TPRKB: variants seen among roughly 807,000 people sequenced by gnomAD.
TPRKB encodes the protein TP53RK binding protein, also known as EKC/KEOPS complex subunit TPRKB.
In TPRKB, 11 loss-of-function variants were observed where a neutral mutation model predicts 17.8. The observed-to-expected ratio is 0.62, with a 90% CI of 0.39 to 1.02. TPRKB has a LOEUF of 1.02. Ranked by LOEUF, TPRKB falls within the 50% of genes least tolerant of loss-of-function variation. TPRKB has a pLI of 0.00. For synonymous variants in TPRKB, 71 were observed against 69.5 expected (o/e 1.02, Z -0.11); for missense variants, 228 against 198.0 (o/e 1.15, Z -0.91).
chr2:73,733,573 C>G (rs536532743), intron 2 of TPRKB, among the ~76,000 whole-genome samples: 3 of 151,970 alleles, frequency 2.0e-5, no homozygotes, highest in Non-Finnish European at 4.4e-5. Flanking sequence ...TTGTTAGGAA[C>G]CCCCATTTTA....
intron 1 of TPRKB, among the ~76,000 whole-genome samples, chr2:73,736,176 G>A (rs542515479): frequency 2.0e-5 from 3 of 152,110 alleles, no homozygotes; most frequent in African/African-American, 4.8e-5. Flanking sequence ...ATTTGTGAAC[G>A]ATATCCTGGC....
intron 2 of TPRKB, among the ~76,000 whole-genome samples, chr2:73,733,480 A>G (rs1671730379): frequency 6.6e-6 from 1 of 151,992 alleles, no homozygotes. Context: ...GCTGGTCTCA[A>G]ACTCCGGGCC....
At chr2:73,733,516 C>G (rs1359362982) in intron 2 of TPRKB, among the ~76,000 whole-genome samples, 2 of 152,044 alleles carry the variant, frequency 1.3e-5, no homozygotes, top group Non-Finnish European at 2.9e-5. Context: ...ACCTTGGCCT[C>G]TGTGTGTACT....
intron 3 of TPRKB, 123 bp from the exon 4 acceptor site, chr2:73,730,859 T>A: frequency 1.6e-6 from 1 of 623,354 alleles, no homozygotes; most frequent in South Asian, 2.7e-5. Flanking sequence ...CTAACAGTTC[T>A]CACTGCCTAC....
intron 1 of TPRKB, among the ~76,000 whole-genome samples, chr2:73,736,014 A>G (rs1671860512): frequency 6.6e-6 from 1 of 152,230 alleles, no homozygotes; most frequent in South Asian, 2.1e-4. Flanking sequence ...AAGTAAAAAC[A>G]TCTGAATGGA....
intron 4 of TPRKB, 198 bp from the exon 5 acceptor site, chr2:73,730,227 G>T (rs1252626705): frequency 3.4e-6 from 2 of 584,412 alleles, no homozygotes; most frequent in Non-Finnish European, 5.2e-6. Flanking sequence ...TGCTATGGGA[G>T]TAACTCTCAA....
At position 73,734,539 on chromosome 2, in the gene TPRKB, G is replaced by T; in HGVS notation, c.31C>A (p.Pro11Thr). The change falls in exon 2 of 5, where the codon CCC becomes ACC. Residue 11 changes from proline to threonine, a missense_variant. Physicochemically the swap from Pro to Thr is conservative, Grantham distance 38 (BLOSUM62 -1). Transcript: ENST00000272424. MQLTHQLDLF[P>T]ECRVTLLLFK... is the part of the protein sequence containing the mutation. Reference sequence around the variant, plus strand: ...AACAGAAGGGTTACCCTGCATTCGGGAAATAGGTCCAGCTGATGTGTTAAC... The same window carrying T: ...AACAGAAGGGTTACCCTGCATTCGGTAAATAGGTCCAGCTGATGTGTTAAC... 6.2e-7 allele frequency: 1 copy of T among 1,613,528 alleles called. No individual in the cohort carries two copies. The highest frequency in any genetic ancestry group is 8.5e-7 in the Non-Finnish European group (1 of 1,179,822).
chr2:73,733,481 A>G (rs1671730489), intron 2 of TPRKB, among the ~76,000 whole-genome samples: 1 of 151,552 alleles, frequency 6.6e-6, no homozygotes, highest in Non-Finnish European at 1.5e-5. Flanking sequence ...CTGGTCTCAA[A>G]CTCCGGGCCT....
chr2:73,730,528 C>A (rs1199131755), intron 4 of TPRKB, 32 bp downstream of exon 4: 13 of 1,498,124 alleles, frequency 8.7e-6, no homozygotes, highest in Non-Finnish European at 1.2e-5. Context: ...GCTCATCTAT[C>A]ACACTCTTTC....
chr2:73,730,897 C>T (rs746277488), intron 3 of TPRKB, 161 bp from the exon 4 acceptor site: 1 of 506,356 alleles, frequency 2.0e-6, no homozygotes, highest in Non-Finnish European at 3.3e-6. Context: ...TCCTTTCCAA[C>T]ATCCATTGGC....
At chr2:73,731,451 G>A (rs1671606186) in intron 3 of TPRKB, among the ~76,000 whole-genome samples, 2 of 152,114 alleles carry the variant, frequency 1.3e-5, no homozygotes, top group African/African-American at 4.8e-5. Context: ...TTTTATTCCA[G>A]GTACTGGGAA....
intron 2 of TPRKB, chr2:73,732,579 C>G (rs1337792322): frequency 3.5e-6 from 1 of 282,500 alleles, no homozygotes. Context: ...CGTGGTGGCA[C>G]GCACCTGTAA....
chr2:73,734,085 C>T (rs573189220), intron 2 of TPRKB, among the ~76,000 whole-genome samples: 74 of 150,370 alleles, frequency 4.9e-4, no homozygotes, highest in Non-Finnish European at 8.4e-4. Context: ...GGATTACAGG[C>T]GTGAGCTACC....
chr2:73,732,538 C>CTG lies in TPRKB; in HGVS notation c.142-254_142-253insCA, dbSNP rs112464115. The CTG allele has an allele frequency of 6.5e-3, 2,529 of 387,012 alleles. 73 individuals carry two copies. The highest frequency in any genetic ancestry group is 0.048 in the African/African-American group (2,316 of 48,294). 24.0% of individuals were successfully genotyped at this position (387,012 alleles called of 1,614,324 possible). On this transcript the variant is annotated intron_variant, in intron 2 of 4. Transcript: ENST00000272424. Reference sequence around the variant, plus strand: ...CCAGCCTGGCCAACACGGCGAAACCCTCTCTACTAAAAATACAAAAATTAG... The same window carrying CTG: ...CCAGCCTGGCCAACACGGCGAAACCCTGTCTCTACTAAAAATACAAAAATTAG...
rs576959714 is a variant in TPRKB, at chr2:73,735,794, T to C, written c.-22-1203A>G. 2.0e-5 allele frequency among the ~76,000 whole-genome samples: 3 copies of C among 152,348 alleles called. No homozygotes were observed. In the South Asian group the frequency reaches 6.2e-4, roughly 32 times the overall value. ...GTGGGGCAATTTGAGACTCATTTTA[T>C]CCTTTTACCTGGCAGATTATATTTC... On this transcript the variant is annotated intron_variant, in intron 1 of 4. Transcript: ENST00000272424.
intron 4 of TPRKB, 127 bp downstream of exon 4, chr2:73,730,433 A>C: frequency 1.6e-6 from 1 of 642,372 alleles, no homozygotes. Flanking sequence ...ATTTTTAAGT[A>C]ATTTTTAAAA....
chr2:73,732,022 A>G, intron 3 of TPRKB, 141 bp downstream of exon 3: 1 of 946,530 alleles, frequency 1.1e-6, no homozygotes, highest in Non-Finnish European at 1.6e-6. Context: ...TTAAACCTCA[A>G]CTCTCTGTCC....
chr2:73,732,102 A>C, intron 3 of TPRKB, 61 bp downstream of exon 3: 1 of 1,566,070 alleles, frequency 6.4e-7, no homozygotes, highest in Non-Finnish European at 8.7e-7. Context: ...CTCCAACCCA[A>C]CACTGAGGAA....
Position 73,734,452 on chromosome 2 carries a change from C to T in TPRKB, c.118G>A (p.Gly40Arg), listed in dbSNP as rs773231934. ...ACCACTGTAGGATTTATCAGTGATCCATCGATGGTGCCTTCCATGGCCTTT... is the reference window on the plus strand; with the variant it reads ...ACCACTGTAGGATTTATCAGTGATCTATCGATGGTGCCTTCCATGGCCTTT... The part of the protein sequence containing the change: ...RRKAMEGTID[G>R]SLINPTVIVD... Residue 40 changes from glycine to arginine, a missense_variant, in exon 2 of 5, where the codon GGA becomes AGA. Gly to Arg is a moderately radical substitution (Grantham distance 125). Coordinates refer to ENST00000272424, the MANE Select transcript of TPRKB (RefSeq NM_016058.5). 6.2e-7 allele frequency: 1 copy of T among 1,613,268 alleles called. No individual in the cohort carries two copies. Among genetic ancestry groups the T allele is most frequent in the South Asian group, 1.1e-5 (1 of 90,866 alleles).
Sources: gnomAD v4.1 joint callset for allele counts (sites outside exome capture counted in the v4.1 genomes callset) on GRCh38, gnomAD v4.1.1 for gene constraint, MANE v1.5 for transcripts, NCBI Gene and HGNC (gene_info 2026-07-23, HGNC 2026-07-21) for gene names.